Variants in B3GALT1 observed in about 807,000 individuals in gnomAD.
B3GALT1 encodes beta-1,3-galactosyltransferase 1, also known as UDP-Gal:betaGlcNAc beta 1,3-galactosyltransferase, polypeptide 1.
Under a neutral mutation model 23.2 loss-of-function variants are expected in B3GALT1, and 10 were observed. The ratio of observed to expected loss-of-function variants is 0.43; its 90% CI spans 0.27 to 0.73. The LOEUF (loss-of-function observed/expected upper bound fraction) is 0.73, where lower values mean the gene tolerates loss of function less well. Ranked by LOEUF, B3GALT1 falls within the 30% of genes least tolerant of loss-of-function variation. B3GALT1 has a pLI of 0.21. For synonymous variants in B3GALT1, 156 were observed against 141.5 expected, an observed-to-expected ratio of 1.10 and a Z score of -0.73; for missense variants, 299 against 405.4, an observed-to-expected ratio of 0.74 and a Z score of 2.25.
At chr2:167,860,153 A>G (rs1690071155) in intron 4 of B3GALT1, among the ~76,000 whole-genome samples, 1 of 152,214 alleles carries the variant, frequency 6.6e-6, no homozygotes, top group South Asian at 2.1e-4. Context: ...TTGTTTATCA[A>G]TTAGTTCTGT....
At chr2:167,407,380 CA>C (rs1559087267) in intron 1 of B3GALT1, among the ~76,000 whole-genome samples, 2 of 151,716 alleles carry the variant, frequency 1.3e-5, no homozygotes, top group African/African-American at 4.8e-5. Flanking sequence ...ATGCCTATAT[CA>C]AAAAAGTAAA....
At chr2:167,434,037 A>G (rs1698742472) in intron 1 of B3GALT1, among the ~76,000 whole-genome samples, 5 of 152,224 alleles carry the variant, frequency 3.3e-5, no homozygotes, top group Admixed American at 3.3e-4. Context: ...AGATTCTATC[A>G]TAAATAAATA....
chr2:167,670,369 C>A (rs974123938), intron 3 of B3GALT1, among the ~76,000 whole-genome samples: 20 of 152,164 alleles, frequency 1.3e-4, no homozygotes, highest in African/African-American at 4.8e-4. Flanking sequence ...AAGTCTGAGA[C>A]CTCCAAGTCT....
rs61323885 is a variant in B3GALT1 at position 167,303,644 on chromosome 2, T to TACACACACACAC, written c.-511+10338_-511+10349dup. On this transcript the variant is annotated intron_variant, in intron 1 of 4. Transcript: ENST00000392690. ...TCTCCTGCTCTTGGAAACACACACA[T>TACACACACACAC]ACACACACACACACACACACACACA... Among the ~76,000 whole-genome samples the TACACACACACAC allele has an allele frequency of 3.1e-3, 456 of 144,994 alleles. 4 individuals carry two copies. The highest frequency in any genetic ancestry group is 0.012 in the African/African-American group (444 of 38,438).
At chr2:167,831,128 GAC>G (rs1689344057) in intron 4 of B3GALT1, among the ~76,000 whole-genome samples, 1 of 152,192 alleles carries the variant, frequency 6.6e-6, no homozygotes, top group South Asian at 2.1e-4. Context: ...CATTACATTT[GAC>G]ACACTTATTC....
At position 167,632,335 on chromosome 2, in the gene B3GALT1, G is replaced by A. The variant is rs569374540; in HGVS notation, c.-409-14574G>A. The stretch of plus-strand genomic sequence containing the variant: ...AGTGATGGGATTGCTGAGTCAAATG[G>A]TATTTCTAGTTCTAGATCCTTGAGG... On this transcript the variant is annotated intron_variant, in intron 2 of 4. Transcript: ENST00000392690. Among the ~76,000 whole-genome samples the A allele has an allele frequency of 9.8e-4, 149 of 152,140 alleles. No individual in the cohort carries two copies. The Middle Eastern group carries it at 0.01, about 10-fold the overall frequency.
intron 2 of B3GALT1, among the ~76,000 whole-genome samples, chr2:167,580,904 C>G (rs1024732981): frequency 6.6e-6 from 1 of 152,124 alleles, no homozygotes; most frequent in Non-Finnish European, 1.5e-5. Context: ...TGGAGAGACA[C>G]TGATATGTGT....
At chr2:167,474,574 A>C (rs1699465523) in intron 1 of B3GALT1, among the ~76,000 whole-genome samples, 1 of 152,072 alleles carries the variant, frequency 6.6e-6, no homozygotes, top group Non-Finnish European at 1.5e-5. Context: ...CGTGGATCTA[A>C]ATTTTGACAT....
At chr2:167,371,499 T>C (rs992703056) in intron 1 of B3GALT1, among the ~76,000 whole-genome samples, 1 of 152,160 alleles carries the variant, frequency 6.6e-6, no homozygotes, top group African/African-American at 2.4e-5. Context: ...GTGAAGTACT[T>C]TAGAAACTCT....
chr2:167,635,021 C>T (rs1160294445), intron 2 of B3GALT1, among the ~76,000 whole-genome samples: 1 of 152,134 alleles, frequency 6.6e-6, no homozygotes, highest in Non-Finnish European at 1.5e-5. Context: ...TGGCTTCATC[C>T]CTGGGATGCA....
intron 3 of B3GALT1, among the ~76,000 whole-genome samples, chr2:167,803,903 A>C (rs1160474124): frequency 6.6e-6 from 1 of 152,188 alleles, no homozygotes; most frequent in African/African-American, 2.4e-5. Context: ...TAATGGAGGC[A>C]TATTTCACAG....
At chr2:167,385,512 A>G (rs199823495) in intron 1 of B3GALT1, among the ~76,000 whole-genome samples, 1 of 152,156 alleles carries the variant, frequency 6.6e-6, no homozygotes, top group Non-Finnish European at 1.5e-5. Context: ...AATTTATTGT[A>G]TGTACAATTT....
At chr2:167,484,392 A>G (rs187709789) in intron 1 of B3GALT1, among the ~76,000 whole-genome samples, 1 of 152,336 alleles carries the variant, frequency 6.6e-6, no homozygotes, top group Admixed American at 6.5e-5. Context: ...AAGTACTGAG[A>G]ACGTGTGCCC....
At chr2:167,767,015 C>T (rs558427295) in intron 3 of B3GALT1, among the ~76,000 whole-genome samples, 74 of 152,162 alleles carry the variant, frequency 4.9e-4, no homozygotes, top group Admixed American at 1.2e-3. Flanking sequence ...AGGCATGTTT[C>T]ATCTCCTATT....
At chr2:167,544,809 A>G (rs559905507) in intron 2 of B3GALT1, among the ~76,000 whole-genome samples, 1 of 152,262 alleles carries the variant, frequency 6.6e-6, no homozygotes, top group African/African-American at 2.4e-5. Context: ...TCCCTGTCGA[A>G]GGTCTTTTCT....
At chr2:167,611,030 G>C (rs1685055263) in intron 2 of B3GALT1, among the ~76,000 whole-genome samples, 1 of 151,278 alleles carries the variant, frequency 6.6e-6, no homozygotes, top group Non-Finnish European at 1.5e-5. Flanking sequence ...TGGAGGGAGA[G>C]GATGAAAAAC....
At chr2:167,312,677 A>G (rs1287016412) in intron 1 of B3GALT1, among the ~76,000 whole-genome samples, 2 of 152,096 alleles carry the variant, frequency 1.3e-5, no homozygotes, top group Non-Finnish European at 1.5e-5. Context: ...CATTTTAAAA[A>G]TTAAACTGTA....
Position 167,321,960 on chromosome 2 carries a change from C to G in B3GALT1, c.-511+28626C>G, listed in dbSNP as rs368074398. 9.9e-5 allele frequency among the ~76,000 whole-genome samples: 15 copies of G among 152,062 alleles called. No homozygotes were observed. In the East Asian group the frequency reaches 2.9e-3, roughly 29 times the overall value. Reference sequence around the variant, plus strand: ...CATTTGAGGAATGAACTATCTCTTACAAAGTAGAATCTAATTTTTCAATGT... The same window carrying G: ...CATTTGAGGAATGAACTATCTCTTAGAAAGTAGAATCTAATTTTTCAATGT... On this transcript the variant is annotated intron_variant, in intron 1 of 4. Transcript: ENST00000392690.
chr2:167,420,827 AAACTT>A (rs1429793290), intron 1 of B3GALT1, among the ~76,000 whole-genome samples: 1 of 152,206 alleles, frequency 6.6e-6, no homozygotes, highest in Non-Finnish European at 1.5e-5. Context: ...TCTACCTTCT[AAACTT>A]AACTTGATTG....
Sources: gnomAD v4.1 joint callset for allele counts (sites outside exome capture counted in the v4.1 genomes callset) on GRCh38, gnomAD v4.1.1 for gene constraint, MANE v1.5 for transcripts, NCBI Gene and HGNC (gene_info 2026-07-23, HGNC 2026-07-21) for gene names.